Variants in DNAJC11 observed in about 807,000 individuals in gnomAD.
DNAJC11 encodes the protein dnaJ homolog subfamily C member 11.
A neutral mutation model predicts 78.6 loss-of-function variants in DNAJC11; 15 were observed. The ratio of observed to expected loss-of-function variants is 0.19; its 90% confidence interval spans 0.13 to 0.29. The LOEUF is 0.29. Among genes scored for constraint, DNAJC11 ranks in the 10% least tolerant of loss-of-function variants. The pLI is 1.00. For missense variants in DNAJC11, 547 were observed against 709.6 expected (o/e 0.77, Z 2.60); for synonymous variants, 292 against 272.1 (o/e 1.07, Z -0.72).
chr1:6,645,836 T>C lies in DNAJC11; in HGVS notation c.847A>G (p.Ser283Gly), dbSNP rs921564157. ...CTGGTTTTAGTGTCTCGGACGATGCTAGTGTTCATGGCTGACTGGATACCC... is the reference window on the plus strand; with the variant it reads ...CTGGTTTTAGTGTCTCGGACGATGCCAGTGTTCATGGCTGACTGGATACCC... ...RWGIQSAMNT[S>G]IVRDTKTSHF... is the part of the protein sequence containing the mutation. The change falls in exon 8 of 16, where the codon AGC (serine) becomes GGC (glycine). Residue 283 changes from serine (S) to glycine (G), a missense_variant. Physicochemically the swap from Ser to Gly is moderately conservative, Grantham distance 56. Coordinates refer to ENST00000377577, the MANE Select transcript of DNAJC11 (RefSeq NM_018198.4). The surrounding 1 kb of genome is among the most constrained non-coding windows in gnomAD (Gnocchi z 4.1). 1.9e-6 allele frequency: 3 copies of C among 1,614,186 alleles called. No individual in the cohort carries two copies. The highest frequency in any genetic ancestry group is 2.5e-6 in the Non-Finnish European group (3 of 1,180,038).
intron 6 of DNAJC11, among the ~76,000 whole-genome samples, chr1:6,651,863 C>G (rs1642058725): frequency 6.6e-6 from 1 of 152,198 alleles, no homozygotes; most frequent in Non-Finnish European, 1.5e-5. Flanking sequence ...AAAACTGCTC[C>G]CCTCTGTTCC....
chr1:6,638,319 C>T lies in DNAJC11; in HGVS notation c.1299G>A (p.Gln433=), dbSNP rs201664213. 6.2e-7 allele frequency: 1 copy of T among 1,613,606 alleles called. No individual in the cohort carries two copies. The highest frequency in any genetic ancestry group is 8.5e-7 in the Non-Finnish European group (1 of 1,179,666). The change falls in exon 12 of 16, where the codon CAG becomes CAA. Residue 433 remains glutamine, a synonymous_variant. Coordinates refer to ENST00000377577, the MANE Select transcript of DNAJC11 (RefSeq NM_018198.4). ...CAGCGGACTCCGCCTCTTGCTTCTT[C>T]TGCAGCACATCGGTGGCGGCGCTTT... is the stretch of plus-strand genomic sequence containing the variant. The part of the protein sequence containing the change: ...QRESAATDVL[Q]KKQEAESAVR...
In DNAJC11 at chr1:6,634,216, A is replaced by C. The variant is rs1018538904; in HGVS notation, c.*1459T>G. ...GTGGTGAGTGCCTTCTGTACAGTCG[A>C]CTGCAAATGAAACGCAGAGGATGGG... is the stretch of plus-strand genomic sequence containing the variant. On this transcript the variant is annotated 3_prime_UTR_variant, in exon 16 of 16. Transcript: ENST00000377577. The C allele has an allele frequency of 2.1e-6, 2 of 960,962 alleles. No individual in the cohort carries two copies. Among genetic ancestry groups the C allele is most frequent in the Non-Finnish European group, 3.1e-6 (2 of 640,386 alleles). The allele number at this position is 960,962 out of a possible 1,614,324, so 59.5% of individuals were successfully genotyped here. A position where few individuals can be genotyped will look rare whatever the true frequency, so the allele number is the denominator to read the frequency against.
Position 6,652,947 on chromosome 1 carries a change from G to C in DNAJC11, c.512C>G (p.Pro171Arg). 6.2e-7 allele frequency: 1 copy of C among 1,614,022 alleles called. No homozygotes were observed. The highest frequency in any genetic ancestry group is 8.5e-7 in the Non-Finnish European group (1 of 1,179,974). The change falls in exon 6 of 16, where the codon CCC becomes CGC. Residue 171 changes from proline to arginine, a missense_variant. By Grantham distance (103) the Pro-to-Arg change is moderately radical. Coordinates refer to ENST00000377577, the MANE Select transcript of DNAJC11 (RefSeq NM_018198.4). Reference protein sequence around the residue: ...KMHISQSIEAPLTATDTAILS... With the variant: ...KMHISQSIEARLTATDTAILS... The stretch of plus-strand genomic sequence containing the variant: ...GATGGCTGTGTCTGTCGCTGTCAAG[G>C]GTGCCTAAAAATGGTATTTGCTGGT...
intron 11 of DNAJC11, among the ~76,000 whole-genome samples, chr1:6,638,976 GA>G (rs1641830816): frequency 6.6e-6 from 1 of 152,202 alleles, no homozygotes; most frequent in South Asian, 2.1e-4. Context: ...GCCTCCTAGG[GA>G]ATTAGGATTC....
rs188443758 is a variant in DNAJC11 at position 6,648,617 on chromosome 1, T to A, written c.705-2639A>T. On this transcript the variant is annotated intron_variant, in intron 7 of 15. Coordinates refer to ENST00000377577, the MANE Select transcript of DNAJC11 (RefSeq NM_018198.4). The stretch of plus-strand genomic sequence containing the variant: ...GATTACAGGTGTGTGCTACCACACC[T>A]GGTTAATTTTTATATTTTTTGTAGA... Among the ~76,000 whole-genome samples, 262 of 152,192 alleles carry A rather than the reference T, an allele frequency of 1.7e-3. 1 individual carries two copies. The highest frequency in any genetic ancestry group is 6.1e-3 in the African/African-American group (253 of 41,528).
intron 3 of DNAJC11, among the ~76,000 whole-genome samples, chr1:6,675,774 T>C (rs932672522): frequency 1.3e-5 from 2 of 152,162 alleles, no homozygotes; most frequent in African/African-American, 4.8e-5. Context: ...TTGTTTCTAA[T>C]GGGAAGATAA....
intron 15 of DNAJC11, 138 bp from the exon 16 acceptor site, chr1:6,635,838 A>C: frequency 9.0e-7 from 1 of 1,110,238 alleles, no homozygotes; most frequent in Non-Finnish European, 1.3e-6. Context: ...CTGAAAATCA[A>C]CTGCTGCTGG....
intron 3 of DNAJC11, chr1:6,668,044 A>G: frequency 2.0e-6 from 1 of 510,156 alleles, no homozygotes; most frequent in Non-Finnish European, 3.5e-6. Flanking sequence ...GTTTTCACTC[A>G]GCTCTCCAGA....
At position 6,645,449 on chromosome 1, in the gene DNAJC11, C is replaced by T. The variant is rs1005170079; in HGVS notation, c.895-323G>A. ...GTGTGGGGCTTCTCATGTACCAGCC[C>T]TGGTGTGGCCACAGGGGCGTCCGAG... On this transcript the variant is annotated intron_variant, in intron 8 of 15. Transcript: ENST00000377577. This position sits in a 1 kb window ranked among gnomAD's most constrained non-coding sequence, Gnocchi z 4.1. Among the ~76,000 whole-genome samples the T allele has an allele frequency of 1.3e-4, 20 of 152,346 alleles. No individual in the cohort carries two copies. The highest frequency in any genetic ancestry group is 4.8e-4 in the African/African-American group (20 of 41,580).
At chr1:6,657,821 A>T (rs907365758) in intron 4 of DNAJC11, among the ~76,000 whole-genome samples, 3 of 151,858 alleles carry the variant, frequency 2.0e-5, no homozygotes, top group African/African-American at 4.8e-5. Flanking sequence ...ATTTTTTTGT[A>T]TTTTTAGTAG....
chr1:6,643,863 GAC>G (rs749204164), intron 10 of DNAJC11, among the ~76,000 whole-genome samples: 4 of 152,044 alleles, frequency 2.6e-5, no homozygotes, highest in Non-Finnish European at 5.9e-5. Flanking sequence ...ACTCAGCAAA[GAC>G]ACAAGCAACT....
chr1:6,651,358 A>C (rs1310333621), intron 7 of DNAJC11, among the ~76,000 whole-genome samples, 171 bp downstream of exon 7: 1 of 152,184 alleles, frequency 6.6e-6, no homozygotes, highest in Non-Finnish European at 1.5e-5. Context: ...GCCTCTTCCC[A>C]CCTGCACACT....
At chr1:6,693,707 C>T (rs1004926858) in intron 1 of DNAJC11, among the ~76,000 whole-genome samples, 47 of 151,998 alleles carry the variant, frequency 3.1e-4, no homozygotes, top group Middle Eastern at 3.4e-3. Flanking sequence ...TTTTTATAGA[C>T]GGAGTCTCGC....
At position 6,638,382 on chromosome 1, in the gene DNAJC11, C is replaced by A. The variant is rs377476862; in HGVS notation, c.1254-18G>T. On this transcript the variant is annotated intron_variant, in intron 11 of 15. Transcript: ENST00000377577. ...CCAATTCCCTTACGCGAGAGGAACA[C>A]AAGCCCCACGTTAGCGCGGCGCTGC... 10 of 1,611,112 alleles carry A rather than the reference C, an allele frequency of 6.2e-6. No individual in the cohort carries two copies. In the African/African-American group the frequency reaches 9.3e-5, roughly 15 times the overall value.
At chr1:6,676,870 G>A (rs1308519840) in intron 3 of DNAJC11, among the ~76,000 whole-genome samples, 1 of 152,002 alleles carries the variant, frequency 6.6e-6, no homozygotes, top group African/African-American at 2.4e-5. Context: ...GCATGCTTGA[G>A]ACTAAACATT....
intron 4 of DNAJC11, among the ~76,000 whole-genome samples, chr1:6,658,926 G>T (rs1434937867): frequency 6.6e-6 from 1 of 152,188 alleles, no homozygotes; most frequent in South Asian, 2.1e-4. Context: ...ATGCCTGCCG[G>T]CCCTGGGTCT....
chr1:6,694,974 CAAAA>C (rs869181454), intron 1 of DNAJC11, among the ~76,000 whole-genome samples: 1 of 32,116 alleles, frequency 3.1e-5, no homozygotes. Flanking sequence ...GACTCCGAAT[CAAAA>C]AAAAAAAAAA....
At chr1:6,638,179 G>T (rs972628592) in intron 12 of DNAJC11, 116 bp downstream of exon 12, 2 of 1,009,130 alleles carry the variant, frequency 2.0e-6, no homozygotes, top group Non-Finnish European at 2.9e-6. Flanking sequence ...AAGACTAAGT[G>T]GAGAGCCAAG....
Sources: allele counts gnomAD v4.1 joint callset (sites outside exome capture counted in the v4.1 genomes callset), GRCh38; gene constraint gnomAD v4.1.1; non-coding constraint Gnocchi (gnomAD v3.1); transcripts MANE v1.5; gene names NCBI Gene and HGNC (gene_info 2026-07-23, HGNC 2026-07-21).